Variants in CDK8 observed in about 807,000 individuals in gnomAD.
The protein encoded by CDK8 is cyclin-dependent kinase 8.
Under a neutral mutation model 71.5 loss-of-function variants are expected in CDK8, and 29 were observed. The ratio of observed to expected loss-of-function variants is 0.41; its 90% confidence interval spans 0.30 to 0.55. The LOEUF (loss-of-function observed/expected upper bound fraction) is 0.55. Ranked by LOEUF, CDK8 falls within the 20% of genes least tolerant of loss-of-function variation. CDK8 has a pLI of 0.37. For missense variants in CDK8, 288 were observed against 572.6 expected (o/e 0.50, Z 5.07); for synonymous variants, 161 against 192.1 (o/e 0.84, Z 1.34).
At chr13:26,324,896 G>A (rs1874950859) in intron 1 of CDK8, 1 of 289,906 alleles carries the variant, frequency 3.4e-6, no homozygotes, top group South Asian at 1.4e-4. Context: ...AAACAGACAA[G>A]AAAAGACCAA....
chr13:26,297,074 T>G (rs1593246967), intron 1 of CDK8, among the ~76,000 whole-genome samples: 1 of 152,132 alleles, frequency 6.6e-6, no homozygotes, highest in Non-Finnish European at 1.5e-5. Flanking sequence ...TGGCCTATCA[T>G]TAGGGTTGCC....
At chr13:26,330,469 T>C (rs1875261593) in intron 1 of CDK8, among the ~76,000 whole-genome samples, 1 of 152,226 alleles carries the variant, frequency 6.6e-6, no homozygotes, top group Admixed American at 6.5e-5. Context: ...CCTCCCCAAG[T>C]GCTGGGATTA....
Position 26,393,651 on chromosome 13 carries a change from A to T in CDK8, c.790+141A>T, listed in dbSNP as rs1216091748. 4.8e-6 allele frequency: 4 copies of T among 834,854 alleles called. No individual in the cohort carries two copies. The Admixed American group carries it at 8.5e-5, about 18-fold the overall frequency. The allele number at this position is 834,854 out of a possible 1,614,324, so 51.7% of individuals were successfully genotyped here. A position where few individuals can be genotyped will look rare whatever the true frequency, so the allele number is the denominator to read the frequency against. ...GTTTTTTGACTTGCATTTATCAAAG[A>T]TCCGTAGAAACAGCAAAATTTGTAG... On this transcript the variant is annotated intron_variant, in intron 7 of 12. Coordinates refer to ENST00000381527, the MANE Select transcript of CDK8 (RefSeq NM_001260.3).
chr13:26,255,075 C>T (rs541005672), intron 1 of CDK8, among the ~76,000 whole-genome samples: 2 of 151,722 alleles, frequency 1.3e-5, no homozygotes, highest in Admixed American at 6.6e-5. Context: ...TCTAAAACGC[C>T]GGGTTAAATG....
intron 9 of CDK8, among the ~76,000 whole-genome samples, chr13:26,399,025 G>A (rs1263891184): frequency 1.4e-5 from 2 of 147,878 alleles, no homozygotes; most frequent in East Asian, 2.0e-4. Flanking sequence ...AGTCTTTTTT[G>A]TTGGAGACAC....
intron 1 of CDK8, among the ~76,000 whole-genome samples, chr13:26,292,391 A>G (rs1216915203): frequency 6.6e-6 from 1 of 152,224 alleles, no homozygotes; most frequent in African/African-American, 2.4e-5. Context: ...TTTGTTTGTT[A>G]AGAACTGCCT....
At chr13:26,395,637 AGTAGCTG>A (rs1266869593) in intron 7 of CDK8, among the ~76,000 whole-genome samples, 1 of 152,154 alleles carries the variant, frequency 6.6e-6, no homozygotes, top group Non-Finnish European at 1.5e-5. Context: ...TGCCAGCAAA[AGTAGCTG>A]AAACGTTTTG....
chr13:26,296,531 C>T (rs1873570021), intron 1 of CDK8, among the ~76,000 whole-genome samples: 1 of 152,114 alleles, frequency 6.6e-6, no homozygotes, highest in African/African-American at 2.4e-5. Context: ...AACTGATGGG[C>T]CAAAATGGGC....
At chr13:26,265,941 G>C (rs1209423353) in intron 1 of CDK8, among the ~76,000 whole-genome samples, 5 of 152,138 alleles carry the variant, frequency 3.3e-5, no homozygotes, top group Non-Finnish European at 7.4e-5. Flanking sequence ...CTGTGGTTAG[G>C]AGAATGTAAT....
chr13:26,260,577 T>C (rs1041045646), intron 1 of CDK8, among the ~76,000 whole-genome samples: 1 of 152,148 alleles, frequency 6.6e-6, no homozygotes, highest in Non-Finnish European at 1.5e-5. Context: ...GAAGTTCTTT[T>C]GCTACTTAGA....
At chr13:26,313,325 CA>C (rs1190299854) in intron 1 of CDK8, among the ~76,000 whole-genome samples, 1 of 151,936 alleles carries the variant, frequency 6.6e-6, no homozygotes, top group Admixed American at 6.6e-5. Context: ...AGAAGGGTGG[CA>C]AAAACGAGAT....
At chr13:26,269,133 A>T (rs1273778147) in intron 1 of CDK8, among the ~76,000 whole-genome samples, 1 of 152,198 alleles carries the variant, frequency 6.6e-6, no homozygotes, top group Non-Finnish European at 1.5e-5. Context: ...AGAAGTACTC[A>T]TTCATGTTAG....
At chr13:26,400,213 AT>A (rs968811793) in intron 9 of CDK8, 3 of 430,942 alleles carry the variant, frequency 7.0e-6, no homozygotes, top group African/African-American at 6.1e-5. Flanking sequence ...GTGGGGATCC[AT>A]TTGTTTAGTC....
At chr13:26,348,961 T>C in intron 2 of CDK8, 111 bp from the exon 3 acceptor site, 1 of 736,254 alleles carries the variant, frequency 1.4e-6, no homozygotes. Flanking sequence ...TTATTAGATG[T>C]TTAAGATTGT....
At chr13:26,282,992 C>G (rs563551918) in intron 1 of CDK8, among the ~76,000 whole-genome samples, 1 of 152,264 alleles carries the variant, frequency 6.6e-6, no homozygotes, top group South Asian at 2.1e-4. Flanking sequence ...ATAAAAGAAT[C>G]CAGCAGGAAA....
intron 1 of CDK8, among the ~76,000 whole-genome samples, chr13:26,325,383 T>C (rs1402969200): frequency 6.6e-6 from 1 of 152,230 alleles, no homozygotes; most frequent in East Asian, 1.9e-4. Flanking sequence ...TTACCTCATT[T>C]AAAAGAAAGT....
chr13:26,369,640 T>C (rs1399616726), intron 4 of CDK8, among the ~76,000 whole-genome samples: 8 of 146,094 alleles, frequency 5.5e-5, no homozygotes, highest in African/African-American at 2.0e-4. Context: ...GCCATTCTCC[T>C]ACCTCAGCCT....
chr13:26,303,071 T>A (rs1040171319), intron 1 of CDK8, among the ~76,000 whole-genome samples: 1 of 152,146 alleles, frequency 6.6e-6, no homozygotes, highest in Non-Finnish European at 1.5e-5. Flanking sequence ...ATTTTATGTA[T>A]GCAGGCATAT....
intron 4 of CDK8, among the ~76,000 whole-genome samples, chr13:26,382,274 T>C (rs187433893): frequency 6.6e-6 from 1 of 152,340 alleles, no homozygotes. Context: ...ATGAAAATCT[T>C]AAAACTGTTC....
Sources: allele counts gnomAD v4.1 joint callset (sites outside exome capture counted in the v4.1 genomes callset), GRCh38; gene constraint gnomAD v4.1.1; transcripts MANE v1.5; gene names NCBI Gene and HGNC (gene_info 2026-07-23, HGNC 2026-07-21).